UGGT2: variants seen among roughly 807,000 people sequenced by gnomAD.
The protein encoded by UGGT2 is UDP-glucose glycoprotein glucosyltransferase 2, also known as UDP-glucose:glycoprotein glucosyltransferase 2.
UGGT2 carries 180 observed loss-of-function variants against 192.1 expected under a neutral mutation model. The observed-to-expected ratio is 0.94, with a 90% CI of 0.83 to 1.06. The LOEUF (loss-of-function observed/expected upper bound fraction) is 1.06. Ranked by LOEUF, UGGT2 falls within the 50% of genes least tolerant of loss-of-function variation. The pLI is 0.00. For synonymous variants in UGGT2, 580 were observed against 591.0 expected, an observed-to-expected ratio of 0.98 and a Z score of 0.27; for missense variants, 1,849 against 1,795.7, an observed-to-expected ratio of 1.03 and a Z score of -0.54.
intron 4 of UGGT2, among the ~76,000 whole-genome samples, chr13:96,019,054 C>A (rs1210103478): frequency 7.7e-6 from 1 of 130,452 alleles, no homozygotes; most frequent in Non-Finnish European, 1.5e-5. Flanking sequence ...TAAGATATCA[C>A]AAACCCAAGA....
intron 1 of UGGT2, among the ~76,000 whole-genome samples, chr13:96,051,392 T>C (rs1204404550): frequency 1.3e-5 from 2 of 152,202 alleles, no homozygotes; most frequent in East Asian, 1.9e-4. Context: ...GATGAGTTAA[T>C]GGGTGCAGCA....
At chr13:95,904,449 C>A (rs1380212116) in intron 20 of UGGT2, among the ~76,000 whole-genome samples, 1 of 125,238 alleles carries the variant, frequency 8.0e-6, no homozygotes, top group Non-Finnish European at 1.7e-5. Context: ...CCCCCCTCCC[C>A]CCCACCCCAC....
At chr13:95,848,188 T>A (rs1213036103) in intron 36 of UGGT2, among the ~76,000 whole-genome samples, 1 of 152,202 alleles carries the variant, frequency 6.6e-6, no homozygotes, top group East Asian at 1.9e-4. Flanking sequence ...GTTCTTTGCA[T>A]TTTTTTGGAT....
chr13:95,844,567 T>A (rs1159355685), intron 36 of UGGT2, among the ~76,000 whole-genome samples: 1 of 152,214 alleles, frequency 6.6e-6, no homozygotes, highest in Non-Finnish European at 1.5e-5. Flanking sequence ...GCTACAGAAA[T>A]GGATAATTTC....
At chr13:95,846,366 A>T in intron 36 of UGGT2, among the ~76,000 whole-genome samples, 1 of 143,186 alleles carries the variant, frequency 7.0e-6, no homozygotes, top group Non-Finnish European at 1.5e-5. Context: ...GTGAGCCAAG[A>T]TGGCGGCAGT....
At chr13:96,007,548 A>G (rs551156239) in intron 5 of UGGT2, among the ~76,000 whole-genome samples, 1 of 152,324 alleles carries the variant, frequency 6.6e-6, no homozygotes, top group East Asian at 1.9e-4. Flanking sequence ...TATATTAGAA[A>G]AACCTAAAGA....
At chr13:95,970,345 T>G in intron 11 of UGGT2, 83 bp from the exon 12 acceptor site, 1 of 1,297,910 alleles carries the variant, frequency 7.7e-7, no homozygotes, top group South Asian at 1.5e-5. Context: ...TCTTAAAGCA[T>G]TAGAAATGAG....
chr13:95,963,719 T>C (rs1411851525), intron 12 of UGGT2, among the ~76,000 whole-genome samples: 1 of 152,110 alleles, frequency 6.6e-6, no homozygotes, highest in Non-Finnish European at 1.5e-5. Context: ...CAAAAATCAG[T>C]AGTGTTTCTA....
At chr13:95,805,281 A>AAC (rs1482555582) in intron 38 of UGGT2, among the ~76,000 whole-genome samples, 2 of 151,952 alleles carry the variant, frequency 1.3e-5, no homozygotes, top group East Asian at 3.9e-4. Flanking sequence ...AAAAAAAAAA[A>AAC]ACCCAGAAAA....
intron 38 of UGGT2, among the ~76,000 whole-genome samples, chr13:95,810,857 C>T (rs1451244038): frequency 6.6e-6 from 1 of 152,122 alleles, no homozygotes; most frequent in Admixed American, 6.6e-5. Context: ...TTATAAATTA[C>T]ACCTGGTAAG....
At position 95,801,678 on chromosome 13, in the gene UGGT2, T is replaced by G; in HGVS notation, c.*112A>C. 1 of 1,040,288 alleles carries G rather than the reference T, an allele frequency of 9.6e-7. No individual in the cohort carries two copies. Among genetic ancestry groups the G allele is most frequent in the Non-Finnish European group, 1.4e-6 (1 of 701,556 alleles). The allele number at this position is 1,040,288 out of a possible 1,614,324, so 64.4% of individuals were successfully genotyped here. On this transcript the variant is annotated 3_prime_UTR_variant, in exon 39 of 39. Transcript: ENST00000376747. ...TACAATTTTTTAAAATTAAAGAATA[T>G]GTCACTGATCTTAACGAGACTTCCA... is the stretch of plus-strand genomic sequence containing the variant.
chr13:95,925,684 T>C lies in UGGT2; in HGVS notation c.2291A>G (p.His764Arg), dbSNP rs2048994578. The C allele has an allele frequency of 6.5e-7, 1 of 1,537,002 alleles. No individual in the cohort carries two copies. The highest frequency in any genetic ancestry group is 8.8e-7 in the Non-Finnish European group (1 of 1,137,848). The change falls in exon 20 of 39, where the codon CAC becomes CGC. Residue 764 changes from histidine (H) to arginine (R), a missense_variant. His to Arg is a conservative substitution (Grantham distance 29). Coordinates refer to ENST00000376747, the MANE Select transcript of UGGT2 (RefSeq NM_020121.4). ...GRKLLFNALK[H>R]MKTSVHSRLG... ...TAAGAATATCTAGGTACTCACCATG[T>C]GCTTTAATGCATTAAAAAGAAGTTT... is the stretch of plus-strand genomic sequence containing the variant.
intron 4 of UGGT2, among the ~76,000 whole-genome samples, chr13:96,021,181 A>C (rs1284435323): frequency 6.6e-6 from 1 of 152,200 alleles, no homozygotes; most frequent in Admixed American, 6.5e-5. Flanking sequence ...ACCCTGAGAA[A>C]TGGCCCAGGT....
rs142340607 is a variant in UGGT2 at position 95,869,932 on chromosome 13, T to C, written c.3474-2509A>G. Among the ~76,000 whole-genome samples, 302 of 152,334 alleles carry C rather than the reference T, an allele frequency of 2.0e-3. 2 individuals carry two copies. Among genetic ancestry groups the C allele is most frequent in the African/African-American group, 6.7e-3 (278 of 41,568 alleles). On this transcript the variant is annotated intron_variant, in intron 29 of 38. Coordinates refer to ENST00000376747, the MANE Select transcript of UGGT2 (RefSeq NM_020121.4). ...CATGATTAATTAAAAAAAGCACTTA[T>C]ACATGTGTCTCCTGAAATTCTAAAA...
intron 11 of UGGT2, among the ~76,000 whole-genome samples, chr13:95,971,892 A>G (rs1222506254): frequency 1.3e-5 from 2 of 152,214 alleles, no homozygotes; most frequent in Non-Finnish European, 2.9e-5. Context: ...TAAACAATTC[A>G]AATAATTTCA....
chr13:96,040,985 G>A (rs2053148202), intron 1 of UGGT2, among the ~76,000 whole-genome samples: 1 of 152,194 alleles, frequency 6.6e-6, no homozygotes, highest in Non-Finnish European at 1.5e-5. Context: ...CTAGAATCAG[G>A]TATTAAATAA....
At chr13:95,911,664 G>A (rs1243998417) in intron 20 of UGGT2, among the ~76,000 whole-genome samples, 1 of 152,096 alleles carries the variant, frequency 6.6e-6, no homozygotes, top group Non-Finnish European at 1.5e-5. Flanking sequence ...GTACAAAGAG[G>A]AGCTGGTACC....
At chr13:96,039,414 A>G (rs138804651) in intron 1 of UGGT2, among the ~76,000 whole-genome samples, 64 of 152,268 alleles carry the variant, frequency 4.2e-4, no homozygotes, top group African/African-American at 1.4e-3. Context: ...TCCTTCCTGG[A>G]TATCCCCACC....
At chr13:95,934,526 T>C (rs1035882424) in intron 17 of UGGT2, among the ~76,000 whole-genome samples, 12 of 152,102 alleles carry the variant, frequency 7.9e-5, no homozygotes, top group Admixed American at 5.2e-4. Context: ...TGTACCAATA[T>C]TAACCTTGAA....
Sources: gnomAD v4.1 joint callset for allele counts (sites outside exome capture counted in the v4.1 genomes callset) on GRCh38, gnomAD v4.1.1 for gene constraint, MANE v1.5 for transcripts, NCBI Gene and HGNC (gene_info 2026-07-23, HGNC 2026-07-21) for gene names.